Variants in RGS6 observed in about 807,000 individuals in gnomAD.
RGS6 encodes regulator of G protein signaling 6, also known as regulator of G-protein signaling 6.
Under a neutral mutation model 78.5 loss-of-function variants are expected in RGS6, and 30 were observed. That is an observed-to-expected ratio of 0.38 (90% CI 0.29 to 0.52). The LOEUF is 0.52. Ranked by LOEUF, RGS6 falls within the 20% of genes least tolerant of loss-of-function variation. RGS6 has a pLI of 0.85. For synonymous variants in RGS6, 206 were observed against 206.0 expected, an observed-to-expected ratio of 1.00 and a Z score of 0.00; for missense variants, 495 against 609.7, an observed-to-expected ratio of 0.81 and a Z score of 1.98.
intron 3 of RGS6, among the ~76,000 whole-genome samples, chr14:72,440,602 G>A (rs1044982557): frequency 1.3e-5 from 2 of 151,680 alleles, no homozygotes; most frequent in African/African-American, 4.8e-5. Context: ...TAGTATAGAC[G>A]GGGTTTCACC....
the RGS6 span, among the ~76,000 whole-genome samples, chr14:72,587,946 A>G: frequency 3.3e-5 from 5 of 152,202 alleles, no homozygotes; most frequent in African/African-American, 4.8e-5. Context: ...TCGGCCAGTA[A>G]GAGATGGTAG....
intron 14 of RGS6, among the ~76,000 whole-genome samples, chr14:72,513,421 C>T (rs1382811052): frequency 6.6e-6 from 1 of 152,114 alleles, no homozygotes; most frequent in Non-Finnish European, 1.5e-5. Context: ...TGGGGTATGA[C>T]CAGCAGCGCA....
intron 8 of RGS6, 47 bp downstream of exon 8, chr14:72,470,130 A>C: frequency 7.1e-7 from 1 of 1,408,686 alleles, no homozygotes; most frequent in Non-Finnish European, 1.0e-6. Flanking sequence ...AAGACTCTGG[A>C]ATTTGGAAAT....
At chr14:72,138,449 GTTTTTTTTTTTTT>G (rs71448384) in intron 2 of RGS6, among the ~76,000 whole-genome samples, 1 of 86,648 alleles carries the variant, frequency 1.2e-5, no homozygotes, top group East Asian at 3.6e-4. Context: ...ACCTGTACCT[GTTTTTTTTTTTTT>G]TTTTTTTTTT....
intron 2 of RGS6, among the ~76,000 whole-genome samples, chr14:72,134,885 A>G (rs1384733677): frequency 6.6e-6 from 1 of 152,112 alleles, no homozygotes; most frequent in African/African-American, 2.4e-5. Flanking sequence ...TTTTCATTGT[A>G]TTCAGGCAGG....
At chr14:72,162,928 C>G (rs1322890573) in intron 2 of RGS6, among the ~76,000 whole-genome samples, 2 of 152,110 alleles carry the variant, frequency 1.3e-5, no homozygotes, top group African/African-American at 2.4e-5. Flanking sequence ...GACCATTATT[C>G]TAAGTGAAGT....
chr14:71,984,726 G>A (rs2094617347), intron 2 of RGS6, among the ~76,000 whole-genome samples: 2 of 152,068 alleles, frequency 1.3e-5, no homozygotes, highest in African/African-American at 4.8e-5. Flanking sequence ...TATAATTATA[G>A]CCTCATTCTT....
the RGS6 span, among the ~76,000 whole-genome samples, chr14:72,621,832 G>C: frequency 6.6e-6 from 1 of 152,222 alleles, no homozygotes; most frequent in Admixed American, 6.5e-5. Flanking sequence ...GATGCCGTCT[G>C]GGTTGTGGCT....
At chr14:72,588,948 C>A in the RGS6 span, among the ~76,000 whole-genome samples, 4 of 152,186 alleles carry the variant, frequency 2.6e-5, no homozygotes, top group South Asian at 2.1e-4. Context: ...CATGCCCCCC[C>A]AACTCTGTTC....
At chr14:72,273,620 T>C (rs1483932841) in intron 2 of RGS6, among the ~76,000 whole-genome samples, 2 of 152,242 alleles carry the variant, frequency 1.3e-5, no homozygotes, top group Non-Finnish European at 2.9e-5. Context: ...ATAAACATTC[T>C]TGCCTTATGA....
intron 2 of RGS6, among the ~76,000 whole-genome samples, chr14:72,320,609 TA>T (rs1232997276): frequency 6.6e-6 from 1 of 151,076 alleles, no homozygotes; most frequent in Non-Finnish European, 1.5e-5. Context: ...AAATAAAAAA[TA>T]AAAAACTATT....
chr14:72,236,217 C>G (rs1240767603), intron 2 of RGS6, among the ~76,000 whole-genome samples: 1 of 152,108 alleles, frequency 6.6e-6, no homozygotes, highest in Non-Finnish European at 1.5e-5. Flanking sequence ...TCCCCTGCAC[C>G]CATCACGTAC....
upstream of RGS6, among the ~76,000 whole-genome samples, chr14:71,928,187 T>A (rs1220350153): frequency 6.6e-6 from 1 of 152,186 alleles, no homozygotes; most frequent in Non-Finnish European, 1.5e-5. Context: ...TAAGTTTTAA[T>A]AAGTACCCCA....
chr14:71,877,862 G>C, the RGS6 span, among the ~76,000 whole-genome samples: 1 of 152,108 alleles, frequency 6.6e-6, no homozygotes, highest in Non-Finnish European at 1.5e-5. Flanking sequence ...ATGGGGTTTT[G>C]GTGTGGATGT....
rs1026068714 is a variant in RGS6 at position 72,363,238 on chromosome 14, A to G, written c.184+11044A>G. On this transcript the variant is annotated intron_variant, in intron 3 of 17. Coordinates refer to ENST00000553525, the MANE Select transcript of RGS6 (RefSeq NM_001204424.2). ...AGAGGTTTTAAATATGAGGGAATTCACATCCATGAAGTGGATGGAAGTTTA... is the reference window on the plus strand; with the variant it reads ...AGAGGTTTTAAATATGAGGGAATTCGCATCCATGAAGTGGATGGAAGTTTA... Among the ~76,000 whole-genome samples the G allele has an allele frequency of 3.3e-5, 5 of 152,204 alleles. No individual in the cohort carries two copies. In the East Asian group the frequency reaches 9.6e-4, roughly 29 times the overall value.
At chr14:71,897,714 T>G in the RGS6 span, among the ~76,000 whole-genome samples, 1 of 151,882 alleles carries the variant, frequency 6.6e-6, no homozygotes, top group East Asian at 1.9e-4. Context: ...AGCGATGGGG[T>G]TTCACCATCT....
At chr14:71,876,064 A>C in the RGS6 span, among the ~76,000 whole-genome samples, 330 of 152,316 alleles carry the variant, frequency 2.2e-3, 1 homozygote, top group African/African-American at 7.4e-3. Flanking sequence ...TTTACTTCCA[A>C]CTATGTGGTC....
At chr14:72,231,635 G>C (rs988409140) in intron 2 of RGS6, among the ~76,000 whole-genome samples, 1 of 152,240 alleles carries the variant, frequency 6.6e-6, no homozygotes, top group African/African-American at 2.4e-5. Flanking sequence ...AATAGAGAGT[G>C]ATGGGGCCAG....
chr14:72,622,792 C>T, the RGS6 span, among the ~76,000 whole-genome samples: 2 of 152,200 alleles, frequency 1.3e-5, no homozygotes, highest in African/African-American at 2.4e-5. Flanking sequence ...ATCCCATTCT[C>T]GGATATCCAG....
Sources: gnomAD v4.1 joint callset for allele counts (sites outside exome capture counted in the v4.1 genomes callset) on GRCh38, gnomAD v4.1.1 for gene constraint, MANE v1.5 for transcripts, NCBI Gene and HGNC (gene_info 2026-07-23, HGNC 2026-07-21) for gene names.